TBPL1: variants seen among roughly 807,000 people sequenced by gnomAD.
The protein encoded by TBPL1 is TATA-box binding protein like 1, also known as TATA box-binding protein-like 1.
Under a neutral mutation model 22.1 loss-of-function variants are expected in TBPL1, and 4 were observed. The observed-to-expected ratio is 0.18, with a 90% CI of 0.09 to 0.41. The LOEUF is 0.41. Among genes scored for constraint, TBPL1 ranks in the 10% least tolerant of loss-of-function variants. The pLI is 1.00. For synonymous variants in TBPL1, 64 were observed against 71.0 expected, an observed-to-expected ratio of 0.90 and a Z score of 0.50; for missense variants, 115 against 222.3, an observed-to-expected ratio of 0.52 and a Z score of 3.07.
chr6:133,956,262 T>A (rs1775924252), intron 1 of TBPL1, among the ~76,000 whole-genome samples: 1 of 152,228 alleles, frequency 6.6e-6, no homozygotes, highest in African/African-American at 2.4e-5. Flanking sequence ...AAATTTTAGC[T>A]GTATTGTGAC....
chr6:133,981,650 A>C (rs1002455293), intron 2 of TBPL1, among the ~76,000 whole-genome samples: 3 of 152,212 alleles, frequency 2.0e-5, no homozygotes, highest in Non-Finnish European at 2.9e-5. Context: ...GAGTCTGCCC[A>C]GATTTAATAG....
chr6:133,955,541 G>A (rs1292635900), intron 1 of TBPL1, among the ~76,000 whole-genome samples: 1 of 152,016 alleles, frequency 6.6e-6, no homozygotes, highest in Non-Finnish European at 1.5e-5. Flanking sequence ...AATTGGAGTG[G>A]TCATGTTAGA....
chr6:133,958,568 G>A (rs1439034888), intron 1 of TBPL1, among the ~76,000 whole-genome samples: 1 of 152,170 alleles, frequency 6.6e-6, no homozygotes, highest in African/African-American at 2.4e-5. Flanking sequence ...TGTTTAGGCT[G>A]CTGCTGAAAT....
chr6:133,953,415 C>T lies in TBPL1; in HGVS notation c.-55C>T, dbSNP rs1322786641. ...CCGCCGCGTCCTCAGCCACCGCTCC[C>T]TCTTCCCACGGTAACCCCCTAGGCG... is the stretch of plus-strand genomic sequence containing the variant. On this transcript the variant is annotated 5_prime_UTR_variant, in exon 1 of 7. Coordinates refer to ENST00000237264, the MANE Select transcript of TBPL1 (RefSeq NM_004865.4). 2.6e-5 allele frequency: 4 copies of T among 152,984 alleles called. No homozygotes were observed. Among genetic ancestry groups the T allele is most frequent in the African/African-American group, 9.7e-5 (4 of 41,448 alleles). The allele number at this position is 152,984 out of a possible 1,614,324, so 9.5% of individuals were successfully genotyped here. A position where few individuals can be genotyped will look rare whatever the true frequency, so the allele number is the denominator to read the frequency against.
At chr6:133,958,435 G>T (rs1359352289) in intron 1 of TBPL1, among the ~76,000 whole-genome samples, 1 of 152,098 alleles carries the variant, frequency 6.6e-6, no homozygotes, top group Admixed American at 6.6e-5. Context: ...TTGCTGCTCT[G>T]CCCCAGTAAT....
At chr6:133,952,585 C>T (rs1262391844), upstream of TBPL1, 2 of 152,316 alleles carry the variant, frequency 1.3e-5, no homozygotes, top group African/African-American at 2.4e-5. The surrounding 1 kb of genome is among the most constrained non-coding windows in gnomAD (Gnocchi z 4.5). Flanking sequence ...ATCTGTCATC[C>T]CCGGTCGCTC....
At chr6:133,954,845 C>G (rs929707536) in intron 1 of TBPL1, among the ~76,000 whole-genome samples, 3 of 152,126 alleles carry the variant, frequency 2.0e-5, no homozygotes, top group African/African-American at 7.2e-5. Flanking sequence ...TGACCTATTA[C>G]TATGTGCCCT....
chr6:133,982,958 A>C (rs1363428053), intron 4 of TBPL1, 78 bp downstream of exon 4: 1 of 1,336,974 alleles, frequency 7.5e-7, no homozygotes, highest in Non-Finnish European at 1.0e-6. Context: ...TAATAGACTC[A>C]AGAAATCACT....
intron 1 of TBPL1, among the ~76,000 whole-genome samples, chr6:133,964,418 T>G (rs1239737233): frequency 2.0e-5 from 3 of 151,566 alleles, no homozygotes; most frequent in African/African-American, 4.8e-5. Flanking sequence ...GAACTGTTTG[T>G]TTTTTTTGTT....
At chr6:133,985,848 T>C (rs1201418673) in intron 6 of TBPL1, 1 of 152,166 alleles carries the variant, frequency 6.6e-6, no homozygotes. Flanking sequence ...AAATATGGGA[T>C]GATAGGAGAC....
At chr6:133,961,465 CTTTTTTTTTTTTT>C (rs61695774) in intron 1 of TBPL1, among the ~76,000 whole-genome samples, 2 of 100,210 alleles carry the variant, frequency 2.0e-5, no homozygotes, top group Non-Finnish European at 4.0e-5. Flanking sequence ...TTCTTTCTTT[CTTTTTTTTTTTTT>C]TTTTTTTTGA....
chr6:133,969,521 A>AC (rs558160118), intron 1 of TBPL1, among the ~76,000 whole-genome samples: 108 of 152,288 alleles, frequency 7.1e-4, no homozygotes, highest in African/African-American at 2.4e-3. Context: ...TGCTTTTTGT[A>AC]CATCAAATAC....
chr6:133,973,589 T>C (rs1453603825), intron 1 of TBPL1, among the ~76,000 whole-genome samples: 2 of 152,214 alleles, frequency 1.3e-5, no homozygotes, highest in Admixed American at 6.5e-5. Flanking sequence ...ATGTTTTCCA[T>C]TTAAGGTTTC....
intron 1 of TBPL1, among the ~76,000 whole-genome samples, chr6:133,962,795 A>G (rs1168089956): frequency 6.6e-6 from 1 of 152,222 alleles, no homozygotes; most frequent in Non-Finnish European, 1.5e-5. Flanking sequence ...CTTCTCAGGT[A>G]CAGATTAGTG....
At chr6:133,967,968 G>GA (rs1223327126) in intron 1 of TBPL1, among the ~76,000 whole-genome samples, 3 of 151,182 alleles carry the variant, frequency 2.0e-5, no homozygotes, top group African/African-American at 7.3e-5. Flanking sequence ...ATGAGCACAG[G>GA]AAAAAAGCAG....
chr6:133,963,901 C>T (rs977908158), intron 1 of TBPL1, among the ~76,000 whole-genome samples: 2 of 150,884 alleles, frequency 1.3e-5, no homozygotes, highest in Admixed American at 6.6e-5. Flanking sequence ...ATTAGCCAGG[C>T]GTGGTGGCGG....
At chr6:133,953,064 GGC>G, upstream of TBPL1, 1 of 152,212 alleles carries the variant, frequency 6.6e-6, no homozygotes, top group Non-Finnish European at 1.5e-5. Flanking sequence ...GAAGGGTGGG[GGC>G]GGGGGACGGG....
At chr6:133,966,354 T>G (rs1252497983) in intron 1 of TBPL1, among the ~76,000 whole-genome samples, 4 of 152,180 alleles carry the variant, frequency 2.6e-5, no homozygotes, top group African/African-American at 9.7e-5. Flanking sequence ...TAAGTATGTA[T>G]AGTAACATTA....
intron 1 of TBPL1, among the ~76,000 whole-genome samples, chr6:133,978,908 A>C (rs9493784): frequency 0.057 from 8,633 of 152,234 alleles, 828 homozygotes; most frequent in African/African-American, 0.2. Context: ...AAACAACTAT[A>C]GTATGTTTTT....
Sources: gnomAD v4.1 joint callset for allele counts (sites outside exome capture counted in the v4.1 genomes callset) on GRCh38, gnomAD v4.1.1 for gene constraint, Gnocchi (gnomAD v3.1) non-coding constraint, MANE v1.5 for transcripts, NCBI Gene and HGNC (gene_info 2026-07-23, HGNC 2026-07-21) for gene names.